Variants in LRFN4 observed in about 807,000 individuals in gnomAD.
The protein encoded by LRFN4 is leucine rich repeat and fibronectin type III domain containing 4, also known as leucine-rich repeat and fibronectin type-III domain-containing protein 4.
LRFN4 carries 10 observed loss-of-function variants against 29.0 expected under a neutral mutation model. That is an observed-to-expected ratio of 0.35 (90% CI 0.21 to 0.59). LRFN4 has a LOEUF of 0.59. LRFN4 is among the 20% of genes least tolerant of loss of function. LRFN4 has a pLI of 0.82. For missense variants in LRFN4, 850 were observed against 907.9 expected, an observed-to-expected ratio of 0.94 and a Z score of 0.82; for synonymous variants, 493 against 437.0, an observed-to-expected ratio of 1.13 and a Z score of -1.60.
chr11:66,857,512 G>A lies in LRFN4; in HGVS notation c.-233G>A. ...TGCCTCATGCCTCACCTTGTCCCCA[G>A]CGCCTGGACTCCCCCTTAACTGCTT... On this transcript the variant is annotated 5_prime_UTR_variant, in exon 1 of 2. Coordinates refer to ENST00000309602, the MANE Select transcript of LRFN4 (RefSeq NM_024036.5). The surrounding 1 kb of genome is among the most constrained non-coding windows in gnomAD (Gnocchi z 7.1). The A allele has an allele frequency of 2.0e-6, 1 of 507,908 alleles. No homozygotes were observed. Among genetic ancestry groups the A allele is most frequent in the Admixed American group, 3.5e-5 (1 of 28,412 alleles). 31.5% of individuals were successfully genotyped at this position (507,908 alleles called of 1,614,324 possible).
At chr11:66,859,132 G>A (rs763452518) in intron 1 of LRFN4, 39 bp downstream of exon 1, 24 of 1,472,518 alleles carry the variant, frequency 1.6e-5, no homozygotes, top group African/African-American at 2.9e-5. Flanking sequence ...CACTCCCGGC[G>A]CCCTTCCTCC....
Position 66,859,599 on chromosome 11 carries a change from C to T in LRFN4, c.1350-38C>T, listed in dbSNP as rs750635863. 1.1e-5 allele frequency: 18 copies of T among 1,610,942 alleles called. No homozygotes were observed. The South Asian group carries it at 1.8e-4, about 16-fold the overall frequency. On this transcript the variant is annotated intron_variant, in intron 1 of 1. Coordinates refer to ENST00000309602, the MANE Select transcript of LRFN4 (RefSeq NM_024036.5). The stretch of plus-strand genomic sequence containing the variant: ...TGGGGAGGTGAGGATGGGGCTAGAC[C>T]CCAGCCCCGGGCTCTGACCACCTGC...
rs867603133 is a variant in LRFN4, at chr11:66,858,441, G to A, written c.697G>A (p.Gly233Arg). The change falls in exon 1 of 2, where the codon GGG (glycine) becomes AGG (arginine). Residue 233 changes from glycine (G) to arginine (R), a missense_variant. Physicochemically the swap from Gly to Arg is moderately radical, Grantham distance 125. Coordinates refer to ENST00000309602, the MANE Select transcript of LRFN4 (RefSeq NM_024036.5). This position sits in a 1 kb window ranked among gnomAD's most constrained non-coding sequence, Gnocchi z 5.9. ...SPAPLVLSFS[G>R]NPLHCNCELL... The stretch of plus-strand genomic sequence containing the variant: ...CGCCCCCCTGGTGCTGAGCTTTAGC[G>A]GGAACCCCCTGCACTGCAACTGTGA... 6.4e-7 allele frequency: 1 copy of A among 1,552,472 alleles called. No individual in the cohort carries two copies. Among genetic ancestry groups the A allele is most frequent in the Non-Finnish European group, 8.7e-7 (1 of 1,155,324 alleles).
chr11:66,858,324 C>G lies in LRFN4; in HGVS notation c.580C>G (p.Gln194Glu). The change falls in exon 1 of 2, where the codon CAG (glutamine) becomes GAG (glutamate). Residue 194 changes from glutamine (Q) to glutamate (E), a missense_variant. Around this residue, in one of 2 missense-constraint regions of LRFN4, gnomAD observed 744 missense variants for 753.8 expected, o/e 0.99. Coordinates refer to ENST00000309602, the MANE Select transcript of LRFN4 (RefSeq NM_024036.5). This position sits in a 1 kb window ranked among gnomAD's most constrained non-coding sequence, Gnocchi z 5.9. Reference sequence around the variant, plus strand: ...CCCAGGCGCCTTCGCCCAGCTCGGTCAGCTCTCCCGCCTGGACCTCACCTC... The same window carrying G: ...CCCAGGCGCCTTCGCCCAGCTCGGTGAGCTCTCCCGCCTGGACCTCACCTC... ...LPPGAFAQLG[Q>E]LSRLDLTSNR... The G allele has an allele frequency of 3.1e-6, 5 of 1,607,164 alleles. No homozygotes were observed. The highest frequency in any genetic ancestry group is 2.2e-5 in the South Asian group (2 of 90,902).
chr11:66,859,833 G>T lies in LRFN4; in HGVS notation c.1546G>T (p.Gly516Trp), dbSNP rs766191800. 1 of 1,574,360 alleles carries T rather than the reference G, an allele frequency of 6.4e-7. No homozygotes were observed. The highest frequency in any genetic ancestry group is 8.6e-7 in the Non-Finnish European group (1 of 1,159,418). ...CHALQAHVLG[G>W]TLTVAVGGVL... is the part of the protein sequence containing the mutation. ...CGCCCTGCAGGCCCACGTGCTGGGC[G>T]GGACCCTGACCGTGGCCGTGGGGGG... The change falls in exon 2 of 2, where the codon GGG (glycine) becomes TGG (tryptophan). Residue 516 changes from glycine (G) to tryptophan (W), a missense_variant. Physicochemically the swap from Gly to Trp is radical, Grantham distance 184. Coordinates refer to ENST00000309602, the MANE Select transcript of LRFN4 (RefSeq NM_024036.5).
At position 66,858,952 on chromosome 11, in the gene LRFN4, T is replaced by G. The variant is rs758678940; in HGVS notation, c.1208T>G (p.Leu403Arg). The G allele has an allele frequency of 3.2e-6, 5 of 1,577,496 alleles. No individual in the cohort carries two copies. The highest frequency in any genetic ancestry group is 4.3e-6 in the Non-Finnish European group (5 of 1,158,358). Residue 403 changes from leucine (L) to arginine (R), a missense_variant, in exon 1 of 2, where the codon CTG (leucine) becomes CGG (arginine). Physicochemically the swap from Leu to Arg is moderately radical, Grantham distance 102. This residue lies in a region of LRFN4 where 744 missense variants were observed against 753.8 expected (regional missense o/e 0.99). Transcript: ENST00000309602. This position sits in a 1 kb window ranked among gnomAD's most constrained non-coding sequence, Gnocchi z 5.9. ...ACTGCTGCCGAGGGTGAGGGGACGC[T>G]GGAGTCTGAGCCAGCCGTGCAGGTG... Reference protein sequence around the residue: ...ARTAAEGEGTLESEPAVQVTE... With the variant: ...ARTAAEGEGTRESEPAVQVTE...
rs895890272 is a variant in LRFN4 at position 66,858,723 on chromosome 11, C to A, written c.979C>A (p.Arg327=). The change falls in exon 1 of 2, where the codon CGA becomes AGA. Residue 327 remains arginine, a synonymous_variant. Transcript: ENST00000309602. The surrounding 1 kb of genome is among the most constrained non-coding windows in gnomAD (Gnocchi z 5.9). ...CGACCGGTTGGTTGGCAACTCCTCC[C>A]GAGCCCGGGCTTTCCCCAACGGGAC... ...PDDRLVGNSS[R]ARAFPNGTLE... 5.8e-6 allele frequency: 9 copies of A among 1,552,150 alleles called. No individual in the cohort carries two copies. The highest frequency in any genetic ancestry group is 1.7e-4 in the Middle Eastern group (1 of 5,966).
rs746109611 is a variant in LRFN4, at chr11:66,859,814, G to T, written c.1527G>T (p.Leu509=). The T allele has an allele frequency of 6.9e-6, 11 of 1,584,984 alleles. No individual in the cohort carries two copies. In the East Asian group the frequency reaches 2.0e-4, roughly 29 times the overall value. The part of the protein sequence containing the change: ...TLPASPLCHA[L]QAHVLGGTLT... ...CGGCCTCGCCCCTGTGCCACGCCCT[G>T]CAGGCCCACGTGCTGGGCGGGACCC... is the stretch of plus-strand genomic sequence containing the variant. Residue 509 remains leucine, a synonymous_variant, in exon 2 of 2, where the codon CTG becomes CTT. Transcript: ENST00000309602.
In LRFN4 at chr11:66,858,723, C is replaced by T; in HGVS notation, c.979C>T (p.Arg327Ter). 6.4e-7 allele frequency: 1 copy of T among 1,552,150 alleles called. No individual in the cohort carries two copies. The highest frequency in any genetic ancestry group is 2.4e-5 in the East Asian group (1 of 41,434). Residue 327 changes from arginine (R) to a stop codon, truncating the protein, a stop_gained, in exon 1 of 2, where the codon CGA becomes TGA. Transcript: ENST00000309602. LOFTEE classifies it high-confidence loss of function. The surrounding 1 kb of genome is among the most constrained non-coding windows in gnomAD (Gnocchi z 5.9). ...PDDRLVGNSS[R>*]ARAFPNGTLE... ...CGACCGGTTGGTTGGCAACTCCTCC[C>T]GAGCCCGGGCTTTCCCCAACGGGAC...
chr11:66,858,583 C>T lies in LRFN4; in HGVS notation c.839C>T (p.Pro280Leu). 2.6e-6 allele frequency: 4 copies of T among 1,532,926 alleles called. No homozygotes were observed. The highest frequency in any genetic ancestry group is 3.5e-6 in the Non-Finnish European group (4 of 1,143,634). 95.0% of individuals were successfully genotyped at this position (1,532,926 alleles called of 1,614,324 possible). A position where few individuals can be genotyped will look rare whatever the true frequency, so the allele number is the denominator to read the frequency against. ...AVPEGEFSCE[P>L]PLIARHTQRL... ...CCCGAGGGCGAGTTCTCCTGTGAGCCGCCCCTCATTGCCCGCCACACGCAG... is the reference window on the plus strand; with the variant it reads ...CCCGAGGGCGAGTTCTCCTGTGAGCTGCCCCTCATTGCCCGCCACACGCAG... Residue 280 changes from proline (P) to leucine (L), a missense_variant, in exon 1 of 2, where the codon CCG (proline) becomes CTG (leucine). Transcript: ENST00000309602. This position sits in a 1 kb window ranked among gnomAD's most constrained non-coding sequence, Gnocchi z 5.9.
chr11:66,859,154 C>T (rs1946084704), intron 1 of LRFN4, 61 bp downstream of exon 1: 8 of 1,458,902 alleles, frequency 5.5e-6, no homozygotes, highest in African/African-American at 1.4e-5. Flanking sequence ...CCCTCTGCTC[C>T]CCACAAGGCT....
At chr11:66,859,544 G>T (rs542518914) in intron 1 of LRFN4, 93 bp from the exon 2 acceptor site, 1 of 1,567,472 alleles carries the variant, frequency 6.4e-7, no homozygotes, top group Non-Finnish European at 8.6e-7. Flanking sequence ...GCCCCAGGGG[G>T]AGGGGTGTTT....
At chr11:66,859,577 G>C in intron 1 of LRFN4, 60 bp from the exon 2 acceptor site, 1 of 1,603,248 alleles carries the variant, frequency 6.2e-7, no homozygotes, top group South Asian at 1.1e-5. Context: ...ACGGGAGTGG[G>C]GAGGTGAGGA....
chr11:66,858,022 G>C lies in LRFN4; in HGVS notation c.278G>C (p.Gly93Ala), dbSNP rs747254311. 1.2e-6 allele frequency: 2 copies of C among 1,612,038 alleles called. No individual in the cohort carries two copies. Among genetic ancestry groups the C allele is most frequent in the Admixed American group, 1.7e-5 (1 of 60,024 alleles). Reference protein sequence around the residue: ...AITRIGARAFGDLESLRSLHL... With the variant: ...AITRIGARAFADLESLRSLHL... ...ACCCGCATTGGGGCCCGCGCCTTTG[G>C]GGACCTCGAGAGCCTGCGTTCCCTC... is the stretch of plus-strand genomic sequence containing the variant. Residue 93 changes from glycine (G) to alanine (A), a missense_variant, in exon 1 of 2, where the codon GGG (glycine) becomes GCG (alanine). Physicochemically the swap from Gly to Ala is moderately conservative, Grantham distance 60. This residue lies in a region of LRFN4 where 106 missense variants were observed against 154.2 expected (regional missense o/e 0.69). Coordinates refer to ENST00000309602, the MANE Select transcript of LRFN4 (RefSeq NM_024036.5). This position sits in a 1 kb window ranked among gnomAD's most constrained non-coding sequence, Gnocchi z 5.9.
At chr11:66,859,286 G>A (rs1455149514) in intron 1 of LRFN4, among the ~76,000 whole-genome samples, 193 bp downstream of exon 1, 2 of 152,134 alleles carry the variant, frequency 1.3e-5, no homozygotes, top group Admixed American at 6.5e-5. Context: ...CTCAAGGGGC[G>A]GCAGAAGGAC....
In LRFN4 at chr11:66,857,241, GGGCCGGCCGGGCTCGCAGGGA is replaced by G. The variant is rs1945914626; in HGVS notation, c.-495_-475del. The stretch of plus-strand genomic sequence containing the variant: ...CGGGAGAGCGGCCAGGAGTCGGCGG[GGGCCGGCCGGGCTCGCAGGGA>G]GGCCGGCCCGCGCCCCCTGAGCGAC... On this transcript the variant is annotated 5_prime_UTR_variant, in exon 1 of 2. Transcript: ENST00000309602. This position sits in a 1 kb window ranked among gnomAD's most constrained non-coding sequence, Gnocchi z 7.1. The G allele has an allele frequency of 1.3e-5, 2 of 148,744 alleles. No homozygotes were observed. The highest frequency in any genetic ancestry group is 2.1e-4 in the South Asian group (1 of 4,808). 9.2% of individuals were successfully genotyped at this position (148,744 alleles called of 1,614,324 possible).
In LRFN4 at chr11:66,857,579, C is replaced by G. The variant is rs1047530382; in HGVS notation, c.-166C>G. 2.8e-6 allele frequency: 2 copies of G among 702,000 alleles called. No homozygotes were observed. Among genetic ancestry groups the G allele is most frequent in the Non-Finnish European group, 4.6e-6 (2 of 432,584 alleles). 43.5% of individuals were successfully genotyped at this position (702,000 alleles called of 1,614,324 possible). ...GCTCTGGGGGGCCTGGCCCTGCAGG[C>G]CCCAACCTTCCCTCATCTCTGGCGG... On this transcript the variant is annotated 5_prime_UTR_variant, in exon 1 of 2. Transcript: ENST00000309602. This position sits in a 1 kb window ranked among gnomAD's most constrained non-coding sequence, Gnocchi z 7.1.
In LRFN4 at chr11:66,859,815, C is replaced by A; in HGVS notation, c.1528C>A (p.Gln510Lys). 1 of 1,584,908 alleles carries A rather than the reference C, an allele frequency of 6.3e-7. No individual in the cohort carries two copies. The change falls in exon 2 of 2, where the codon CAG becomes AAG. Residue 510 changes from glutamine (Q) to lysine (K), a missense_variant. This residue lies in a region of LRFN4 where 744 missense variants were observed against 753.8 expected (regional missense o/e 0.99). Transcript: ENST00000309602. ...LPASPLCHALQAHVLGGTLTV... is the reference protein window; with the variant it reads ...LPASPLCHALKAHVLGGTLTV... ...GGCCTCGCCCCTGTGCCACGCCCTG[C>A]AGGCCCACGTGCTGGGCGGGACCCT...
At position 66,860,019 on chromosome 11, in the gene LRFN4, C is replaced by T. The variant is rs1288909660; in HGVS notation, c.1732C>T (p.Pro578Ser). 2 of 1,588,684 alleles carry T rather than the reference C, an allele frequency of 1.3e-6. No homozygotes were observed. The highest frequency in any genetic ancestry group is 1.1e-5 in the South Asian group (1 of 88,406). The change falls in exon 2 of 2, where the codon CCC (proline) becomes TCC (serine). Residue 578 changes from proline to serine, a missense_variant. Physicochemically the swap from Pro to Ser is moderately conservative, Grantham distance 74. This residue lies in a region of LRFN4 where 744 missense variants were observed against 753.8 expected (regional missense o/e 0.99). Coordinates refer to ENST00000309602, the MANE Select transcript of LRFN4 (RefSeq NM_024036.5). ...GGCCCACCCGCCGCGGAGCCCCCCG[C>T]CCCGGCCGCAGCGCAGCTGCTCTCT... is the stretch of plus-strand genomic sequence containing the variant. ...PKAHPPRSPPPRPQRSCSLDL... is the reference protein window; with the variant it reads ...PKAHPPRSPPSRPQRSCSLDL...
Sources: allele counts gnomAD v4.1 joint callset (sites outside exome capture counted in the v4.1 genomes callset), GRCh38; gene constraint gnomAD v4.1.1; regional missense constraint gnomAD v4.1.1; non-coding constraint Gnocchi (gnomAD v3.1); transcripts MANE v1.5; gene names NCBI Gene and HGNC (gene_info 2026-07-23, HGNC 2026-07-21).